The following GRM3 variants were observed in gnomAD, a reference collection of about 807,000 sequenced individuals.
GRM3 encodes metabotropic glutamate receptor 3.
Under a neutral mutation model 70.5 loss-of-function variants are expected in GRM3, and 26 were observed. The observed-to-expected ratio is 0.37, with a 90% CI of 0.27 to 0.51. The LOEUF (loss-of-function observed/expected upper bound fraction) is 0.51. Among genes scored for constraint, GRM3 ranks in the 20% least tolerant of loss-of-function variants. GRM3 has a pLI of 0.93. For synonymous variants in GRM3, 443 were observed against 434.9 expected, an observed-to-expected ratio of 1.02 and a Z score of -0.23; for missense variants, 859 against 1,123.8, an observed-to-expected ratio of 0.76 and a Z score of 3.37.
rs1200874782 is a variant in GRM3, at chr7:86,786,679, C to T, written c.887C>T (p.Thr296Ile). The T allele has an allele frequency of 1.2e-6, 2 of 1,612,196 alleles. No homozygotes were observed. Among genetic ancestry groups the T allele is most frequent in the Non-Finnish European group, 1.7e-6 (2 of 1,179,926 alleles). Residue 296 changes from threonine to isoleucine, a missense_variant, in exon 3 of 6, where the codon ACC becomes ATC. Transcript: ENST00000361669. The surrounding 1 kb of genome is among the most constrained non-coding windows in gnomAD (Gnocchi z 6.0). ...AAASRANASFTWVASDGWGAQ... is the reference protein window; with the variant it reads ...AAASRANASFIWVASDGWGAQ... Reference sequence around the variant, plus strand: ...GCCAGCCGCGCCAATGCCTCCTTCACCTGGGTGGCCAGCGACGGCTGGGGC... The same window carrying T: ...GCCAGCCGCGCCAATGCCTCCTTCATCTGGGTGGCCAGCGACGGCTGGGGC...
rs138603957 is a variant in GRM3 at position 86,695,468 on chromosome 7, GTTAT to G, written c.-141+50600_-141+50603del. Among the ~76,000 whole-genome samples, 476 of 152,274 alleles carry G rather than the reference GTTAT, an allele frequency of 3.1e-3. 3 individuals carry two copies. Among genetic ancestry groups the G allele is most frequent in the African/African-American group, 0.011 (451 of 41,556 alleles). ...AAGAGGCCTAGAACCTAGTCCTGCT[GTTAT>G]TTAATTAGCAACTTAATCTGTAACA... On this transcript the variant is annotated intron_variant, in intron 1 of 5. Coordinates refer to ENST00000361669, the MANE Select transcript of GRM3 (RefSeq NM_000840.3).
At chr7:86,804,039 C>T (rs534692114) in intron 3 of GRM3, among the ~76,000 whole-genome samples, 83 of 152,204 alleles carry the variant, frequency 5.5e-4, no homozygotes, top group Non-Finnish European at 9.7e-4. Context: ...GACTCAACTA[C>T]GGTCAAAGAA....
chr7:86,771,824 A>G (rs966679973), intron 2 of GRM3, among the ~76,000 whole-genome samples: 1 of 152,106 alleles, frequency 6.6e-6, no homozygotes, highest in East Asian at 1.9e-4. Flanking sequence ...CTAGATATAC[A>G]TAAACAGAAA....
At chr7:86,853,588 T>C (rs1798793511) in intron 5 of GRM3, among the ~76,000 whole-genome samples, 1 of 152,202 alleles carries the variant, frequency 6.6e-6, no homozygotes, top group Non-Finnish European at 1.5e-5. Flanking sequence ...GAGTATAATG[T>C]TAGCACTTTA....
At chr7:86,795,721 G>A (rs1464782425) in intron 3 of GRM3, among the ~76,000 whole-genome samples, 2 of 151,996 alleles carry the variant, frequency 1.3e-5, no homozygotes, top group Non-Finnish European at 2.9e-5. Flanking sequence ...GAATAGTGTT[G>A]CAATGGACAG....
At chr7:86,680,773 C>T (rs1794423367) in intron 1 of GRM3, among the ~76,000 whole-genome samples, 1 of 152,106 alleles carries the variant, frequency 6.6e-6, no homozygotes, top group Admixed American at 6.6e-5. Flanking sequence ...CTCCCAGCCC[C>T]TTCCCATTTC....
At chr7:86,706,709 G>A (rs1795066288) in intron 1 of GRM3, among the ~76,000 whole-genome samples, 1 of 151,936 alleles carries the variant, frequency 6.6e-6, no homozygotes, top group Non-Finnish European at 1.5e-5. Context: ...AGTATGCCAG[G>A]CACATGATCT....
intron 1 of GRM3, among the ~76,000 whole-genome samples, chr7:86,762,403 G>A (rs1336554967): frequency 6.6e-6 from 1 of 152,054 alleles, no homozygotes; most frequent in Non-Finnish European, 1.5e-5. Flanking sequence ...ATCATTCGCT[G>A]CATGTGAAAG....
intron 1 of GRM3, among the ~76,000 whole-genome samples, chr7:86,735,118 C>T (rs1261381195): frequency 3.3e-5 from 5 of 152,114 alleles, no homozygotes; most frequent in Admixed American, 6.5e-5. Context: ...GAGACCATGC[C>T]TTTGAAGAGA....
chr7:86,711,945 C>A (rs919934671), intron 1 of GRM3, among the ~76,000 whole-genome samples: 1 of 152,062 alleles, frequency 6.6e-6, no homozygotes, highest in Non-Finnish European at 1.5e-5. Flanking sequence ...TCTGGACATT[C>A]TACATGAATG....
intron 1 of GRM3, among the ~76,000 whole-genome samples, chr7:86,706,361 A>G (rs1795057355): frequency 6.6e-6 from 1 of 152,122 alleles, no homozygotes; most frequent in Non-Finnish European, 1.5e-5. Flanking sequence ...TGCTAAATTC[A>G]GCAGAGACCA....
intron 1 of GRM3, among the ~76,000 whole-genome samples, chr7:86,660,681 C>G (rs1390235396): frequency 6.6e-6 from 1 of 151,780 alleles, no homozygotes. Flanking sequence ...TTTTGAATAT[C>G]AACTAGGCTA....
In GRM3 at chr7:86,644,714, A is replaced by G; in HGVS notation, c.-299A>G. The G allele has an allele frequency of 9.1e-7, 1 of 1,094,990 alleles. No individual in the cohort carries two copies. Among genetic ancestry groups the G allele is most frequent in the Non-Finnish European group, 1.2e-6 (1 of 810,684 alleles). The allele number at this position is 1,094,990 out of a possible 1,614,324, so 67.8% of individuals were successfully genotyped here. A position where few individuals can be genotyped will look rare whatever the true frequency, so the allele number is the denominator to read the frequency against. On this transcript the variant is annotated 5_prime_UTR_variant, in exon 1 of 6. Coordinates refer to ENST00000361669, the MANE Select transcript of GRM3 (RefSeq NM_000840.3). ...ACAAGTTGGCCATTTCGAGGGCAAA[A>G]TAAGTTCTCCCTTGGATTTGGAAAG...
chr7:86,800,485 C>T (rs1468211025), intron 3 of GRM3, among the ~76,000 whole-genome samples: 4 of 152,098 alleles, frequency 2.6e-5, no homozygotes, highest in Non-Finnish European at 5.9e-5. Flanking sequence ...GAAATACAAG[C>T]AACCATCAGA....
chr7:86,808,728 G>A (rs1270204963), intron 3 of GRM3, among the ~76,000 whole-genome samples: 1 of 152,060 alleles, frequency 6.6e-6, no homozygotes, highest in Admixed American at 6.6e-5. Flanking sequence ...AATGAGCAGA[G>A]ACCTGAAGAG....
chr7:86,816,705 T>G (rs1798023372), intron 3 of GRM3, among the ~76,000 whole-genome samples: 1 of 151,940 alleles, frequency 6.6e-6, no homozygotes, highest in Non-Finnish European at 1.5e-5. Flanking sequence ...TGATGGGCAT[T>G]TTGGTTGATT....
At chr7:86,646,016 TGGGAGG>T (rs1793462438) in intron 1 of GRM3, among the ~76,000 whole-genome samples, 1 of 9,898 alleles carries the variant, frequency 1.0e-4, no homozygotes, top group African/African-American at 4.2e-4. Context: ...TGGGGGGGGG[TGGGAGG>T]GAGTTTAGGG....
chr7:86,764,086 T>A (rs531286336), intron 1 of GRM3, among the ~76,000 whole-genome samples: 8 of 152,136 alleles, frequency 5.3e-5, no homozygotes, highest in African/African-American at 1.9e-4. Flanking sequence ...ACAGAGAAGA[T>A]CCATTCATAG....
chr7:86,752,927 A>G (rs1796263347), intron 1 of GRM3, among the ~76,000 whole-genome samples: 1 of 152,098 alleles, frequency 6.6e-6, no homozygotes, highest in Non-Finnish European at 1.5e-5. Context: ...GAAACAGAAT[A>G]TATCAACTGA....
Sources: allele counts gnomAD v4.1 joint callset (sites outside exome capture counted in the v4.1 genomes callset), GRCh38; gene constraint gnomAD v4.1.1; non-coding constraint Gnocchi (gnomAD v3.1); transcripts MANE v1.5; gene names NCBI Gene and HGNC (gene_info 2026-07-23, HGNC 2026-07-21).